Variants in ATF7IP2 observed in about 807,000 individuals in gnomAD.
ATF7IP2 encodes activating transcription factor 7-interacting protein 2.
In ATF7IP2, 42 loss-of-function variants were observed where a neutral mutation model predicts 64.2. The observed-to-expected ratio is 0.65, with a 90% CI of 0.51 to 0.85. ATF7IP2 has a LOEUF of 0.85. ATF7IP2 is among the 40% of genes least tolerant of loss of function. The pLI is 0.00. For missense variants in ATF7IP2, 933 were observed against 784.2 expected, an observed-to-expected ratio of 1.19 and a Z score of -2.27; for synonymous variants, 308 against 272.8, an observed-to-expected ratio of 1.13 and a Z score of -1.27.
chr16:10,394,987 G>T (rs936508398), intron 1 of ATF7IP2, among the ~76,000 whole-genome samples: 1 of 151,974 alleles, frequency 6.6e-6, no homozygotes, highest in African/African-American at 2.4e-5. Flanking sequence ...GAAAAAATTA[G>T]TGTGGAAATT....
rs151327817 is a variant in ATF7IP2, at chr16:10,439,999, A to G, written c.1096-365A>G. Reference sequence around the variant, plus strand: ...AACATGGAGAAACCCCGTCACTACTAAAAATACAAAATTAGCCAGGTATGG... The same window carrying G: ...AACATGGAGAAACCCCGTCACTACTGAAAATACAAAATTAGCCAGGTATGG... On this transcript the variant is annotated intron_variant, in intron 7 of 13. Coordinates refer to ENST00000562102, the MANE Select transcript of ATF7IP2 (RefSeq NM_001393719.1). Among the ~76,000 whole-genome samples, 1,325 of 151,908 alleles carry G rather than the reference A, an allele frequency of 8.7e-3. 8 individuals are homozygous for G. Among genetic ancestry groups the G allele is most frequent in the Non-Finnish European group, 0.014 (949 of 67,918 alleles).
At chr16:10,458,312 C>T (rs907937256) in intron 9 of ATF7IP2, among the ~76,000 whole-genome samples, 1 of 152,186 alleles carries the variant, frequency 6.6e-6, no homozygotes, top group African/African-American at 2.4e-5. Context: ...AGCTACATTT[C>T]AGTGACACTT....
intron 1 of ATF7IP2, among the ~76,000 whole-genome samples, chr16:10,391,320 C>T (rs2047317911): frequency 6.6e-6 from 1 of 151,262 alleles, no homozygotes; most frequent in Non-Finnish European, 1.5e-5. Flanking sequence ...ACTCAGGAGG[C>T]TGAGATGGGA....
chr16:10,463,863 T>C (rs2049458760), intron 9 of ATF7IP2, among the ~76,000 whole-genome samples: 1 of 152,212 alleles, frequency 6.6e-6, no homozygotes, highest in Non-Finnish European at 1.5e-5. Context: ...TTTCTTATTT[T>C]CCCCCATTCT....
chr16:10,429,832 GTTTTATTTTATTTTATTTTTATTTTA>G (rs1374046210), intron 4 of ATF7IP2, among the ~76,000 whole-genome samples: 3 of 123,210 alleles, frequency 2.4e-5, no homozygotes, highest in Admixed American at 7.8e-5. Context: ...TTTTTATTTT[GTTTTATTTTATTTTATTTTTATTTTA>G]TTTTATTTTA....
At chr16:10,450,169 C>G (rs548202578) in intron 8 of ATF7IP2, among the ~76,000 whole-genome samples, 3 of 152,278 alleles carry the variant, frequency 2.0e-5, no homozygotes, top group South Asian at 2.1e-4. Context: ...TTTTATTGCA[C>G]TGTGGTCTGA....
chr16:10,408,426 A>T (rs935927176), intron 1 of ATF7IP2, among the ~76,000 whole-genome samples: 1 of 152,262 alleles, frequency 6.6e-6, no homozygotes, highest in African/African-American at 2.4e-5. Context: ...ACTGTTTTCC[A>T]TGATGGTTGT....
At chr16:10,408,399 C>A (rs2047685639) in intron 1 of ATF7IP2, among the ~76,000 whole-genome samples, 1 of 152,158 alleles carries the variant, frequency 6.6e-6, no homozygotes, top group Non-Finnish European at 1.5e-5. Context: ...ACTTTTAGTT[C>A]TTTAAGGAGT....
chr16:10,445,748 C>G (rs1209357152), intron 8 of ATF7IP2: 1 of 152,304 alleles, frequency 6.6e-6, no homozygotes, highest in African/African-American at 2.4e-5. Context: ...CTCAGGTGAT[C>G]TGCCCACCTC....
At chr16:10,388,515 C>T (rs1236929501) in intron 1 of ATF7IP2, among the ~76,000 whole-genome samples, 1 of 152,120 alleles carries the variant, frequency 6.6e-6, no homozygotes, top group African/African-American at 2.4e-5. Flanking sequence ...TGTGAAATAG[C>T]TTATCAGATA....
intron 1 of ATF7IP2, among the ~76,000 whole-genome samples, chr16:10,410,358 TTTTTGTTTTTG>T (rs2047733614): frequency 7.0e-6 from 1 of 142,058 alleles, no homozygotes; most frequent in African/African-American, 2.8e-5. Context: ...TTTTGTTTTG[TTTTTGTTTTTG>T]TTTTGTTTTG....
intron 8 of ATF7IP2, among the ~76,000 whole-genome samples, chr16:10,456,518 A>G (rs973484710): frequency 5.3e-5 from 8 of 152,190 alleles, no homozygotes; most frequent in African/African-American, 1.9e-4. Context: ...TGCAGTTTCA[A>G]TGACAGTTTA....
intron 9 of ATF7IP2, among the ~76,000 whole-genome samples, chr16:10,468,933 G>A (rs958734639): frequency 1.3e-5 from 2 of 152,156 alleles, no homozygotes; most frequent in African/African-American, 4.8e-5. Context: ...GGCTCAATTA[G>A]TCCCAGAGAC....
intron 1 of ATF7IP2, among the ~76,000 whole-genome samples, chr16:10,394,672 T>C (rs2047390070): frequency 6.6e-6 from 1 of 152,152 alleles, no homozygotes; most frequent in Non-Finnish European, 1.5e-5. Context: ...AAGAACATTA[T>C]CTGACCAGTG....
intron 9 of ATF7IP2, among the ~76,000 whole-genome samples, chr16:10,460,318 T>G (rs897126770): frequency 1.3e-5 from 2 of 152,168 alleles, no homozygotes; most frequent in African/African-American, 4.8e-5. Context: ...AGTATTATAT[T>G]TATAGAGTAC....
Position 10,431,401 on chromosome 16 carries a change from A to C in ATF7IP2, c.781A>C (p.Asn261His). The change falls in exon 5 of 14, where the codon AAT becomes CAT. Residue 261 changes from asparagine (N) to histidine (H), a missense_variant. Coordinates refer to ENST00000562102, the MANE Select transcript of ATF7IP2 (RefSeq NM_001393719.1). ...TGAGTGTAGTAGAACCAGTATTTCA[A>C]ATTGTGAAAGTGCAGACTCAACATG... The part of the protein sequence containing the change: ...TDECSRTSIS[N>H]CESADSTWQS... The C allele has an allele frequency of 2.5e-6, 4 of 1,612,090 alleles. No individual in the cohort carries two copies. Among genetic ancestry groups the C allele is most frequent in the Non-Finnish European group, 3.4e-6 (4 of 1,178,350 alleles).
intron 4 of ATF7IP2, among the ~76,000 whole-genome samples, chr16:10,429,356 G>T (rs921551372): frequency 6.6e-6 from 1 of 152,090 alleles, no homozygotes; most frequent in Non-Finnish European, 1.5e-5. Context: ...AGGTTTGTTT[G>T]TGTGTTTGTT....
intron 3 of ATF7IP2, among the ~76,000 whole-genome samples, chr16:10,426,666 G>A (rs1166166607): frequency 6.6e-6 from 1 of 152,124 alleles, no homozygotes; most frequent in Non-Finnish European, 1.5e-5. Flanking sequence ...CCACCAGTAG[G>A]CTTCACTATT....
intron 3 of ATF7IP2, among the ~76,000 whole-genome samples, chr16:10,425,972 T>C (rs2088136076): frequency 9.2e-5 from 14 of 151,928 alleles, no homozygotes; most frequent in Admixed American, 9.2e-4. Context: ...ACATTAAAAG[T>C]ACAGATTAGA....
Sources: allele counts gnomAD v4.1 joint callset (sites outside exome capture counted in the v4.1 genomes callset), GRCh38; gene constraint gnomAD v4.1.1; transcripts MANE v1.5; gene names NCBI Gene and HGNC (gene_info 2026-07-23, HGNC 2026-07-21).